P2RX7: variants seen among roughly 807,000 people sequenced by gnomAD.
The protein encoded by P2RX7 is purinergic receptor P2X 7.
A neutral mutation model predicts 71.6 loss-of-function variants in P2RX7; 62 were observed. That is an observed-to-expected ratio of 0.87 (90% CI 0.71 to 1.07). P2RX7 has a LOEUF of 1.07. Ranked by LOEUF, P2RX7 falls within the 50% of genes least tolerant of loss-of-function variation. The pLI, the probability that P2RX7 is intolerant of heterozygous loss-of-function variation, is 0.00. For synonymous variants in P2RX7, 299 were observed against 283.3 expected, an observed-to-expected ratio of 1.06 and a Z score of -0.56; for missense variants, 686 against 748.5, an observed-to-expected ratio of 0.92 and a Z score of 0.97.
chr12:121,165,986 A>T (rs1271422072), intron 6 of P2RX7, 72 bp from the exon 7 acceptor site: 1 of 1,499,060 alleles, frequency 6.7e-7, no homozygotes, highest in East Asian at 2.3e-5. Context: ...ACACTGGCTC[A>T]CTCCTGGGAA....
chr12:121,134,662 G>C (rs1273554563), intron 1 of P2RX7, among the ~76,000 whole-genome samples: 1 of 152,190 alleles, frequency 6.6e-6, no homozygotes, highest in South Asian at 2.1e-4. Context: ...AAAGTGCTGG[G>C]ATTACAGGCA....
intron 3 of P2RX7, among the ~76,000 whole-genome samples, chr12:121,156,820 G>C (rs745643989): frequency 1.3e-5 from 2 of 152,090 alleles, no homozygotes; most frequent in African/African-American, 4.8e-5. Context: ...CCAAAGAGCC[G>C]CCTCTTTCTG....
intron 1 of P2RX7, among the ~76,000 whole-genome samples, chr12:121,152,240 C>A (rs1450906621): frequency 6.6e-6 from 1 of 152,178 alleles, no homozygotes; most frequent in African/African-American, 2.4e-5. Context: ...CTTGGCCTCC[C>A]AAAATGCTGA....
intron 3 of P2RX7, 79 bp downstream of exon 3, chr12:121,156,226 G>A (rs562585414): frequency 6.0e-5 from 69 of 1,141,778 alleles, no homozygotes; most frequent in African/African-American, 2.9e-4. Flanking sequence ...GCAGAAATGC[G>A]GACCCTGGGG....
At chr12:121,156,195 G>A in intron 3 of P2RX7, 48 bp downstream of exon 3, 4 of 1,502,744 alleles carry the variant, frequency 2.7e-6, no homozygotes, top group Non-Finnish European at 3.7e-6. Flanking sequence ...GAGTTCCTGG[G>A]GGAGGTGCAA....
chr12:121,183,572 A>AT (rs1362548030), intron 12 of P2RX7, among the ~76,000 whole-genome samples: 1 of 75,256 alleles, frequency 1.3e-5, no homozygotes, highest in Non-Finnish European at 2.6e-5. Context: ...CTCCATCTCA[A>AT]AAAAAAAAAA....
intron 2 of P2RX7, 146 bp from the exon 3 acceptor site, chr12:121,155,933 C>A: frequency 2.8e-6 from 2 of 714,268 alleles, no homozygotes; most frequent in South Asian, 1.7e-5. Flanking sequence ...TGATATTAAG[C>A]CCTTGGCATA....
At chr12:121,174,835 T>C in intron 8 of P2RX7, among the ~76,000 whole-genome samples, 1 of 151,922 alleles carries the variant, frequency 6.6e-6, no homozygotes, top group Non-Finnish European at 1.5e-5. Flanking sequence ...TTTCCGTCAC[T>C]CTGAGATGAT....
chr12:121,155,470 G>A (rs548327458), intron 2 of P2RX7: 7 of 1,097,434 alleles, frequency 6.4e-6, no homozygotes, highest in African/African-American at 1.6e-5. Flanking sequence ...TGCAAGCAGG[G>A]AAAATGAAAG....
intron 6 of P2RX7, among the ~76,000 whole-genome samples, chr12:121,165,741 T>A (rs1432581178): frequency 6.6e-6 from 1 of 152,160 alleles, no homozygotes; most frequent in African/African-American, 2.4e-5. Context: ...CTAGACCACT[T>A]GAGTATCCTT....
chr12:121,156,652 T>C lies in P2RX7; in HGVS notation c.363+505T>C, dbSNP rs150960259. 2.1e-3 allele frequency among the ~76,000 whole-genome samples: 326 copies of C among 152,298 alleles called. 6 individuals are homozygous for C. Among genetic ancestry groups the C allele is most frequent in the African/African-American group, 7.1e-3 (296 of 41,570 alleles). ...CAGCTTCTCCTACCATGGTTCACAG[T>C]GAACTGTCTGCAGGGCTGGTCTTGG... On this transcript the variant is annotated intron_variant, in intron 3 of 12. Coordinates refer to ENST00000328963, the MANE Select transcript of P2RX7 (RefSeq NM_002562.6).
At position 121,178,530 on chromosome 12, in the gene P2RX7, G is replaced by A. The variant is rs946434108; in HGVS notation, c.1188+1084G>A. 1.1e-4 allele frequency among the ~76,000 whole-genome samples: 16 copies of A among 152,270 alleles called. No homozygotes were observed. In the East Asian group the frequency reaches 1.9e-3, roughly 18 times the overall value. On this transcript the variant is annotated intron_variant, in intron 11 of 12. Transcript: ENST00000328963. The stretch of plus-strand genomic sequence containing the variant: ...CCCAAGGCTGGGCACAGTGGCTCAC[G>A]CCTATAATCCCAACACTTTGGGAGG...
chr12:121,163,749 C>T (rs559604275), intron 5 of P2RX7, among the ~76,000 whole-genome samples: 3 of 152,258 alleles, frequency 2.0e-5, no homozygotes, highest in African/African-American at 7.2e-5. Flanking sequence ...TGAGCCATTG[C>T]TCCCAGCCTG....
At chr12:121,181,509 G>A (rs1884141516) in intron 12 of P2RX7, among the ~76,000 whole-genome samples, 1 of 152,156 alleles carries the variant, frequency 6.6e-6, no homozygotes, top group South Asian at 2.1e-4. Context: ...AGTTCTGGTT[G>A]CTGGGCATCT....
chr12:121,137,204 G>A (rs1449479600), intron 1 of P2RX7, among the ~76,000 whole-genome samples: 5 of 152,158 alleles, frequency 3.3e-5, no homozygotes, highest in Non-Finnish European at 7.3e-5. Flanking sequence ...TGTTCCCTCC[G>A]TCAATCTCTG....
Position 121,165,453 on chromosome 12 carries a change from G to A in P2RX7, c.614+16G>A, listed in dbSNP as rs772496191. 4 of 1,605,492 alleles carry A rather than the reference G, an allele frequency of 2.5e-6. No individual in the cohort carries two copies. In the Admixed American group the frequency reaches 6.7e-5, roughly 27 times the overall value. On this transcript the variant is annotated intron_variant, in intron 6 of 12. Coordinates refer to ENST00000328963, the MANE Select transcript of P2RX7 (RefSeq NM_002562.6). ...ACTACACCACGTAAGTGCCCAGGCTGCCTGGCTGTCTTAGTTATCTACTGC... is the reference window on the plus strand; with the variant it reads ...ACTACACCACGTAAGTGCCCAGGCTACCTGGCTGTCTTAGTTATCTACTGC...
intron 1 of P2RX7, among the ~76,000 whole-genome samples, chr12:121,134,847 T>C (rs921391080): frequency 6.6e-6 from 1 of 152,182 alleles, no homozygotes; most frequent in South Asian, 2.1e-4. Context: ...AGTGGCAGTG[T>C]AGTTTACTAA....
chr12:121,180,147 CA>C (rs60397642), intron 11 of P2RX7, among the ~76,000 whole-genome samples: 133 of 64,654 alleles, frequency 2.1e-3, no homozygotes, highest in Admixed American at 6.5e-3. Flanking sequence ...AACTCCAACT[CA>C]AAAAAAAAAA....
intron 11 of P2RX7, 57 bp from the exon 12 acceptor site, chr12:121,180,297 G>A: frequency 2.1e-6 from 2 of 973,940 alleles, no homozygotes; most frequent in Admixed American, 2.3e-5. Context: ...CTTTAGATAG[G>A]CAATTCTTGA....
Sources: allele counts gnomAD v4.1 joint callset (sites outside exome capture counted in the v4.1 genomes callset), GRCh38; gene constraint gnomAD v4.1.1; transcripts MANE v1.5; gene names NCBI Gene and HGNC (gene_info 2026-07-23, HGNC 2026-07-21).